RNLS: variants seen among roughly 807,000 people sequenced by gnomAD.
RNLS encodes renalase, FAD dependent amine oxidase.
In RNLS, 39 loss-of-function variants were observed where a neutral mutation model predicts 39.8. That is an observed-to-expected ratio of 0.98 (90% confidence interval 0.76 to 1.28). The LOEUF (loss-of-function observed/expected upper bound fraction) is 1.28. RNLS is among the 50% of genes most tolerant of loss of function. RNLS has a pLI of 0.00. For missense variants in RNLS, 410 were observed against 413.3 expected (o/e 0.99, Z 0.07); for synonymous variants, 147 against 150.7 (o/e 0.98, Z 0.18).
chr10:88,346,346 A>T (rs778708171), intron 5 of RNLS, among the ~76,000 whole-genome samples: 1 of 152,168 alleles, frequency 6.6e-6, no homozygotes, highest in Non-Finnish European at 1.5e-5. Context: ...GTTGCTAAGA[A>T]TACTTGTTTC....
At chr10:88,181,700 C>G in the RNLS span, among the ~76,000 whole-genome samples, 1 of 152,048 alleles carries the variant, frequency 6.6e-6, no homozygotes, top group Non-Finnish European at 1.5e-5. Flanking sequence ...CAGTGCATTG[C>G]CGAATTTAAG....
intron 4 of RNLS, among the ~76,000 whole-genome samples, chr10:88,486,514 T>G (rs1358061668): frequency 6.6e-6 from 1 of 151,314 alleles, no homozygotes; most frequent in Non-Finnish European, 1.5e-5. Flanking sequence ...TTAAACAAAT[T>G]TACAAGAAAA....
At chr10:88,456,562 A>G (rs1316259894) in intron 4 of RNLS, among the ~76,000 whole-genome samples, 1 of 152,196 alleles carries the variant, frequency 6.6e-6, no homozygotes, top group African/African-American at 2.4e-5. Flanking sequence ...TGAGGAAATC[A>G]GGTCCTGTGC....
chr10:88,404,429 C>G (rs920199804), intron 4 of RNLS, among the ~76,000 whole-genome samples: 2 of 152,098 alleles, frequency 1.3e-5, no homozygotes, highest in South Asian at 4.1e-4. Flanking sequence ...AGGTGTTTTT[C>G]TTTCCCCCAG....
At chr10:88,352,427 C>T (rs1235236962) in intron 5 of RNLS, among the ~76,000 whole-genome samples, 1 of 152,146 alleles carries the variant, frequency 6.6e-6, no homozygotes, top group Non-Finnish European at 1.5e-5. Flanking sequence ...TGAATTTTGT[C>T]AAAGGCCTTT....
At position 88,455,389 on chromosome 10, in the gene RNLS, T is replaced by C. The variant is rs551968775; in HGVS notation, c.527-92664A>G. On this transcript the variant is annotated intron_variant, in intron 4 of 6. Transcript: ENST00000331772. Reference sequence around the variant, plus strand: ...AATTCTTCCTGTAATTACCTCTAACTACATGGCCTTATAATTAATTTTTTT... The same window carrying C: ...AATTCTTCCTGTAATTACCTCTAACCACATGGCCTTATAATTAATTTTTTT... Among the ~76,000 whole-genome samples, 12 of 152,260 alleles carry C rather than the reference T, an allele frequency of 7.9e-5. No individual in the cohort carries two copies. The South Asian group carries it at 2.3e-3, about 29-fold the overall frequency.
At chr10:88,181,379 G>C in the RNLS span, among the ~76,000 whole-genome samples, 3 of 152,302 alleles carry the variant, frequency 2.0e-5, no homozygotes, top group East Asian at 5.8e-4. Context: ...CTTGATTTTA[G>C]CTTGGTGAAG....
chr10:88,203,223 AGTGTGTGTGT>A, the RNLS span, among the ~76,000 whole-genome samples: 385 of 11,204 alleles, frequency 0.034, 37 homozygotes, highest in African/African-American at 0.055. Context: ...GATAGCAAAA[AGTGTGTGTGT>A]GTGTGTGTGT....
chr10:88,401,551 G>A (rs1852915806), intron 4 of RNLS, among the ~76,000 whole-genome samples: 1 of 151,972 alleles, frequency 6.6e-6, no homozygotes, highest in African/African-American at 2.4e-5. Flanking sequence ...GAATTATCAT[G>A]AGCAATTCTC....
At chr10:88,552,881 C>T (rs533352329) in intron 4 of RNLS, among the ~76,000 whole-genome samples, 1 of 152,252 alleles carries the variant, frequency 6.6e-6, no homozygotes, top group South Asian at 2.1e-4. Context: ...CAAATAATAC[C>T]TATGACTTAA....
chr10:88,570,266 G>A (rs1360171988), intron 4 of RNLS, among the ~76,000 whole-genome samples: 2 of 152,106 alleles, frequency 1.3e-5, no homozygotes, highest in Non-Finnish European at 2.9e-5. Flanking sequence ...TCAATATAGA[G>A]TTTTTCTTTC....
In RNLS at chr10:88,565,759, T is replaced by A. The variant is rs1849458810; in HGVS notation, c.526+7144A>T. On this transcript the variant is annotated intron_variant, in intron 4 of 6. Coordinates refer to ENST00000331772, the MANE Select transcript of RNLS (RefSeq NM_001031709.3). ...CAACGTTATCTTTCTTTTTTTTTTT[T>A]TTTTTTTTTGAGAGGGAGTCTCGCT... Among the ~76,000 whole-genome samples the A allele has an allele frequency of 2.0e-5, 3 of 146,456 alleles. No individual in the cohort carries two copies. The South Asian group carries it at 6.7e-4, about 33-fold the overall frequency.
the RNLS span, among the ~76,000 whole-genome samples, chr10:88,180,615 T>C: frequency 6.6e-6 from 1 of 152,226 alleles, no homozygotes; most frequent in Admixed American, 6.5e-5. Flanking sequence ...TACTTATTCA[T>C]TTTAGATAAG....
chr10:88,235,660 G>C, the RNLS span, among the ~76,000 whole-genome samples: 2 of 151,968 alleles, frequency 1.3e-5, no homozygotes, highest in African/African-American at 4.8e-5. Context: ...TCTACTTTTT[G>C]TTCCCCTTCA....
chr10:88,229,134 A>G, the RNLS span, among the ~76,000 whole-genome samples: 1 of 152,220 alleles, frequency 6.6e-6, no homozygotes, highest in African/African-American at 2.4e-5. Flanking sequence ...CATAAGGTCT[A>G]AAAATAAAAG....
At chr10:88,431,058 G>A (rs2133808251) in intron 4 of RNLS, among the ~76,000 whole-genome samples, 1 of 151,740 alleles carries the variant, frequency 6.6e-6, no homozygotes, top group Non-Finnish European at 1.5e-5. Flanking sequence ...TTGGTATTAT[G>A]TCTTAAATAT....
the RNLS span, among the ~76,000 whole-genome samples, chr10:88,172,718 G>A: frequency 6.6e-6 from 1 of 150,920 alleles, no homozygotes; most frequent in African/African-American, 2.5e-5. Flanking sequence ...TGTTGCCTGT[G>A]CTTTTGAAGT....
At chr10:88,278,378 CT>C (rs1286312421) in intron 6 of RNLS, among the ~76,000 whole-genome samples, 4 of 152,164 alleles carry the variant, frequency 2.6e-5, no homozygotes, top group Non-Finnish European at 5.9e-5. Context: ...AGGTTGGCAA[CT>C]GTCTTGCAGA....
intron 5 of RNLS, among the ~76,000 whole-genome samples, chr10:88,361,707 A>G (rs982058838): frequency 2.0e-5 from 3 of 152,206 alleles, no homozygotes; most frequent in Non-Finnish European, 4.4e-5. Flanking sequence ...GCCAAGAGAC[A>G]TTAGTTGGTG....
Sources: gnomAD v4.1 joint callset for allele counts (sites outside exome capture counted in the v4.1 genomes callset) on GRCh38, gnomAD v4.1.1 for gene constraint, MANE v1.5 for transcripts, NCBI Gene and HGNC (gene_info 2026-07-23, HGNC 2026-07-21) for gene names.